INTS7: variants seen among roughly 807,000 people sequenced by gnomAD.
The protein encoded by INTS7 is integrator complex subunit 7.
In INTS7, 46 loss-of-function variants were observed where a neutral mutation model predicts 109.2. The observed-to-expected ratio is 0.42, with a 90% CI of 0.33 to 0.54. The LOEUF (loss-of-function observed/expected upper bound fraction) is 0.54. Ranked by LOEUF, INTS7 falls within the 20% of genes least tolerant of loss-of-function variation. The pLI is 0.07. For synonymous variants in INTS7, 412 were observed against 402.9 expected, an observed-to-expected ratio of 1.02 and a Z score of -0.27; for missense variants, 929 against 1,132.4, an observed-to-expected ratio of 0.82 and a Z score of 2.58.
intron 17 of INTS7, among the ~76,000 whole-genome samples, chr1:211,947,584 T>C (rs1662897039): frequency 1.3e-5 from 2 of 152,126 alleles, no homozygotes; most frequent in Admixed American, 6.5e-5. Context: ...GGAGGTCTGT[T>C]CTTGCAGACC....
In INTS7 at chr1:211,959,303, T is replaced by C. The variant is rs1289127052; in HGVS notation, c.2184-6602A>G. 6.6e-6 allele frequency among the ~76,000 whole-genome samples: 1 copy of C among 152,130 alleles called. No individual in the cohort carries two copies. Among genetic ancestry groups the C allele is most frequent in the Admixed American group, 6.5e-5 (1 of 15,282 alleles). On this transcript the variant is annotated intron_variant, in intron 16 of 19. Coordinates refer to ENST00000366994, the MANE Select transcript of INTS7 (RefSeq NM_015434.4). The surrounding 1 kb of genome is among the most constrained non-coding windows in gnomAD (Gnocchi z 4.2). ...GTCAGACCTCAAGCCTACAGAGCAG[T>C]CTTGACGATCAGATGGGGCCAGTCC...
intron 7 of INTS7, among the ~76,000 whole-genome samples, chr1:211,989,819 T>A (rs1486266318): frequency 6.8e-6 from 1 of 147,452 alleles, no homozygotes; most frequent in Admixed American, 6.7e-5. Context: ...AAGACTCCGT[T>A]TCAAAAAAAA....
intron 8 of INTS7, among the ~76,000 whole-genome samples, 168 bp from the exon 9 acceptor site, chr1:211,982,978 T>G (rs1463861183): frequency 6.6e-6 from 1 of 152,124 alleles, no homozygotes; most frequent in East Asian, 1.9e-4. Flanking sequence ...TTCTCTCCAT[T>G]AAGGTACTTG....
At chr1:212,023,964 T>C (rs1002404290) in intron 1 of INTS7, among the ~76,000 whole-genome samples, 1 of 152,204 alleles carries the variant, frequency 6.6e-6, no homozygotes, top group South Asian at 2.1e-4. Flanking sequence ...ATTTATTGCA[T>C]AGGGAGTCCT....
In INTS7 at chr1:212,008,194, T is replaced by A. The variant is rs1666020092; in HGVS notation, c.557-745A>T. ...CCAACAGTTGCCTACGTCAATAAACTCCCTTGCTAGATGGCCTCTACTTGG... is the reference window on the plus strand; with the variant it reads ...CCAACAGTTGCCTACGTCAATAAACACCCTTGCTAGATGGCCTCTACTTGG... On this transcript the variant is annotated intron_variant, in intron 5 of 19. Transcript: ENST00000366994. 2.6e-5 allele frequency among the ~76,000 whole-genome samples: 4 copies of A among 152,114 alleles called. No individual in the cohort carries two copies. The South Asian group carries it at 8.3e-4, about 32-fold the overall frequency.
chr1:211,961,799 C>T (rs937826366), intron 16 of INTS7, among the ~76,000 whole-genome samples: 4 of 152,236 alleles, frequency 2.6e-5, no homozygotes, highest in Admixed American at 2.6e-4. Context: ...TCATGAGTGA[C>T]AGAAAAATAC....
At chr1:211,945,604 A>G (rs940967322) in intron 18 of INTS7, among the ~76,000 whole-genome samples, 1 of 152,204 alleles carries the variant, frequency 6.6e-6, no homozygotes, top group Non-Finnish European at 1.5e-5. Context: ...GAGACATCCT[A>G]CTTTAGGACT....
At chr1:211,947,993 A>G (rs1053720097) in intron 17 of INTS7, among the ~76,000 whole-genome samples, 1 of 152,210 alleles carries the variant, frequency 6.6e-6, no homozygotes, top group Non-Finnish European at 1.5e-5. Flanking sequence ...CAGCCTTCCA[A>G]GAAGATTTGT....
Position 211,941,895 on chromosome 1 carries a change from G to GA in INTS7, c.2817dup (p.Arg940SerfsTer28), listed in dbSNP as rs745389045. The stretch of plus-strand genomic sequence containing the variant: ...TGCTGGGCTTGCTGCTGTTGTAAGC[G>GA]AATTTGCTGGGAATAAGGGTCTTCC... On this transcript the variant is annotated frameshift_variant, in exon 20 of 20. Transcript: ENST00000366994. LOFTEE classifies it high-confidence loss of function. 1 of 1,614,160 alleles carries GA rather than the reference G, an allele frequency of 6.2e-7. No individual in the cohort carries two copies. The highest frequency in any genetic ancestry group is 1.1e-5 in the South Asian group (1 of 91,084).
At chr1:211,951,889 G>A (rs1208635340) in intron 17 of INTS7, among the ~76,000 whole-genome samples, 1 of 152,210 alleles carries the variant, frequency 6.6e-6, no homozygotes, top group Non-Finnish European at 1.5e-5. Context: ...GTGAGAGTAT[G>A]TTAGCCTGTC....
At chr1:211,966,546 A>G (rs1179440339) in intron 15 of INTS7, 48 bp from the exon 16 acceptor site, 1 of 1,105,570 alleles carries the variant, frequency 9.0e-7, no homozygotes, top group South Asian at 1.3e-5. Context: ...GAAACCCGCT[A>G]TAGGTTTCTA....
chr1:212,023,387 C>G (rs1375203651), intron 1 of INTS7, among the ~76,000 whole-genome samples: 1 of 152,140 alleles, frequency 6.6e-6, no homozygotes, highest in Non-Finnish European at 1.5e-5. Flanking sequence ...TAAGCATTCC[C>G]TTTTCTTCAC....
rs1030665219 is a variant in INTS7, at chr1:211,983,385, T to C, written c.998-575A>G. 2.6e-5 allele frequency among the ~76,000 whole-genome samples: 4 copies of C among 152,154 alleles called. No individual in the cohort carries two copies. In the East Asian group the frequency reaches 5.8e-4, roughly 22 times the overall value. The stretch of plus-strand genomic sequence containing the variant: ...CTTGCCATTAAGTTCATAAAACTTA[T>C]CAGTCATGTTCTAATGCCCCTGTTA... On this transcript the variant is annotated intron_variant, in intron 8 of 19. Coordinates refer to ENST00000366994, the MANE Select transcript of INTS7 (RefSeq NM_015434.4).
intron 1 of INTS7, among the ~76,000 whole-genome samples, chr1:212,021,507 G>T (rs553663727): frequency 2.6e-4 from 39 of 151,608 alleles, no homozygotes; most frequent in African/African-American, 9.0e-4. Context: ...ATCATACAAC[G>T]TATGTTTTCT....
intron 17 of INTS7, among the ~76,000 whole-genome samples, chr1:211,950,829 T>C (rs1177593896): frequency 6.6e-6 from 1 of 152,218 alleles, no homozygotes; most frequent in African/African-American, 2.4e-5. Context: ...TTCCGTTATA[T>C]TCAATTCCAT....
At chr1:211,974,276 A>AAAATATATATATATAT (rs1553249481) in intron 13 of INTS7, among the ~76,000 whole-genome samples, 1 of 92,420 alleles carries the variant, frequency 1.1e-5, no homozygotes, top group East Asian at 2.8e-4. Flanking sequence ...AGAAAAAAAA[A>AAAATATATATATATAT]ATATATATAT....
chr1:212,021,010 GA>G, intron 2 of INTS7, 72 bp downstream of exon 2: 1 of 1,415,650 alleles, frequency 7.1e-7, no homozygotes, highest in Non-Finnish European at 9.6e-7. Context: ...AAGGCAAAAA[GA>G]AAAAGACCAC....
chr1:211,951,401 C>T (rs908540042), intron 17 of INTS7, among the ~76,000 whole-genome samples: 4 of 152,170 alleles, frequency 2.6e-5, no homozygotes, highest in East Asian at 3.9e-4. Flanking sequence ...CTCCGCCACC[C>T]GGTTCAAGCG....
chr1:211,952,502 A>C, intron 17 of INTS7, 67 bp downstream of exon 17: 1 of 1,506,004 alleles, frequency 6.6e-7, no homozygotes, highest in Non-Finnish European at 9.1e-7. Flanking sequence ...TCACACAGTA[A>C]GTGCCATAAA....
Sources: gnomAD v4.1 joint callset for allele counts (sites outside exome capture counted in the v4.1 genomes callset) on GRCh38, gnomAD v4.1.1 for gene constraint, Gnocchi (gnomAD v3.1) non-coding constraint, MANE v1.5 for transcripts, NCBI Gene and HGNC (gene_info 2026-07-23, HGNC 2026-07-21) for gene names.